ATCAY: variants seen among roughly 807,000 people sequenced by gnomAD.
ATCAY encodes the protein caytaxin.
ATCAY carries 22 observed loss-of-function variants against 47.7 expected under a neutral mutation model. The observed-to-expected ratio is 0.46, with a 90% confidence interval of 0.33 to 0.66. The LOEUF is 0.66. Among genes scored for constraint, ATCAY ranks in the 30% least tolerant of loss-of-function variants. The pLI, the probability that ATCAY is intolerant of heterozygous loss-of-function variation, is 0.02. For missense variants in ATCAY, 452 were observed against 515.0 expected, an observed-to-expected ratio of 0.88 and a Z score of 1.18; for synonymous variants, 216 against 207.6, an observed-to-expected ratio of 1.04 and a Z score of -0.35.
chr19:3,927,874 G>A lies in ATCAY; in HGVS notation c.*3282G>A, dbSNP rs1305707107. On this transcript the variant is annotated 3_prime_UTR_variant, in exon 13 of 13. Transcript: ENST00000450849. Reference sequence around the variant, plus strand: ...GGACCCCGACCCCTCCTCGTAAAAGGATGTTGGGTTTCCCTCTGGTGACAC... The same window carrying A: ...GGACCCCGACCCCTCCTCGTAAAAGAATGTTGGGTTTCCCTCTGGTGACAC... 6.6e-6 allele frequency: 1 copy of A among 152,246 alleles called. No homozygotes were observed. The highest frequency in any genetic ancestry group is 1.5e-5 in the Non-Finnish European group (1 of 68,078). 9.4% of individuals were successfully genotyped at this position (152,246 alleles called of 1,614,324 possible). A position where few individuals can be genotyped will look rare whatever the true frequency, so the allele number is the denominator to read the frequency against.
chr19:3,922,516 C>A (rs763288086), intron 12 of ATCAY, among the ~76,000 whole-genome samples: 1 of 152,126 alleles, frequency 6.6e-6, no homozygotes, highest in African/African-American at 2.4e-5. Context: ...GTACCGCCCA[C>A]GACAAGTGGG....
At chr19:3,916,776 C>T (rs139210689) in intron 9 of ATCAY, among the ~76,000 whole-genome samples, 234 of 151,538 alleles carry the variant, frequency 1.5e-3, no homozygotes, top group African/African-American at 5.5e-3. Context: ...TCGCACCCAG[C>T]CTGTTTTTTG....
chr19:3,919,458 G>A (rs1284190414), intron 11 of ATCAY, among the ~76,000 whole-genome samples: 1 of 151,876 alleles, frequency 6.6e-6, no homozygotes, highest in Non-Finnish European at 1.5e-5. Context: ...TGGGCATGGT[G>A]GCTCGTGCCT....
chr19:3,893,691 T>C (rs1238325334), intron 2 of ATCAY: 1 of 152,216 alleles, frequency 6.6e-6, no homozygotes, highest in Admixed American at 6.6e-5. Context: ...GCTCCACCCA[T>C]GTTCCAGAGC....
At chr19:3,914,994 C>A (rs979351528) in intron 9 of ATCAY, among the ~76,000 whole-genome samples, 1 of 151,688 alleles carries the variant, frequency 6.6e-6, no homozygotes, top group Non-Finnish European at 1.5e-5. Context: ...AGGGACCCCC[C>A]GGAGCTTGGG....
intron 1 of ATCAY, among the ~76,000 whole-genome samples, chr19:3,885,099 T>TG (rs2038636348): frequency 9.6e-6 from 1 of 104,254 alleles, no homozygotes; most frequent in Admixed American, 1.3e-4. Context: ...CAAGATCATG[T>TG]TTTTTTTTTT....
chr19:3,900,409 T>C (rs1193856490), intron 2 of ATCAY, among the ~76,000 whole-genome samples: 3 of 151,888 alleles, frequency 2.0e-5, no homozygotes, highest in African/African-American at 7.2e-5. Flanking sequence ...GCTGGCCTAA[T>C]GTCCTTTTCC....
intron 6 of ATCAY, among the ~76,000 whole-genome samples, chr19:3,909,003 C>CAAAAA (rs71166937): frequency 1.6e-4 from 2 of 12,470 alleles, no homozygotes; most frequent in African/African-American, 5.4e-4. Flanking sequence ...GAACCTGTCT[C>CAAAAA]AAAAAAAAAA....
intron 8 of ATCAY, among the ~76,000 whole-genome samples, chr19:3,912,349 T>G (rs1241305682): frequency 1.3e-5 from 2 of 151,728 alleles, no homozygotes; most frequent in African/African-American, 4.8e-5. Context: ...AGTCTCACTC[T>G]GTCGCCCAGG....
intron 8 of ATCAY, 60 bp downstream of exon 8, chr19:3,910,949 G>A: frequency 2.6e-6 from 4 of 1,552,720 alleles, no homozygotes; most frequent in Non-Finnish European, 8.9e-7. Context: ...GTGCGTGTGT[G>A]TATGCATGCA....
chr19:3,895,764 G>T (rs2038764810), intron 2 of ATCAY, among the ~76,000 whole-genome samples: 1 of 149,044 alleles, frequency 6.7e-6, no homozygotes, highest in Non-Finnish European at 1.5e-5. Context: ...GCTCAGGCGG[G>T]AGTGCAGTGG....
At chr19:3,881,871 C>CT (rs200659917) in intron 1 of ATCAY, among the ~76,000 whole-genome samples, 1 of 144,840 alleles carries the variant, frequency 6.9e-6, no homozygotes, top group African/African-American at 2.6e-5. Context: ...CCACCGCCCC[C>CT]CCCCCGACCC....
At position 3,907,990 on chromosome 19, in the gene ATCAY, G is replaced by T. The variant is rs2038880135; in HGVS notation, c.544+71G>T. ...ACTGGGCAACAGGGGGTTCGTCAGTGCCCCTCTCTGATGCACGGGGATGTT... is the reference window on the plus strand; with the variant it reads ...ACTGGGCAACAGGGGGTTCGTCAGTTCCCCTCTCTGATGCACGGGGATGTT... On this transcript the variant is annotated intron_variant, in intron 5 of 12. Coordinates refer to ENST00000450849, the MANE Select transcript of ATCAY (RefSeq NM_033064.5). This position sits in a 1 kb window ranked among gnomAD's most constrained non-coding sequence, Gnocchi z 5.1. 5.2e-6 allele frequency: 8 copies of T among 1,526,842 alleles called. No individual in the cohort carries two copies. Among genetic ancestry groups the T allele is most frequent in the Admixed American group, 1.9e-5 (1 of 51,622 alleles). 94.6% of individuals were successfully genotyped at this position (1,526,842 alleles called of 1,614,324 possible).
chr19:3,883,235 G>A (rs989042880), intron 1 of ATCAY, among the ~76,000 whole-genome samples: 3 of 152,118 alleles, frequency 2.0e-5, no homozygotes, highest in Non-Finnish European at 4.4e-5. Flanking sequence ...TTAGCTGGAC[G>A]TGGTGGCACG....
At chr19:3,898,882 G>A (rs891849093) in intron 2 of ATCAY, among the ~76,000 whole-genome samples, 4 of 152,134 alleles carry the variant, frequency 2.6e-5, no homozygotes, top group South Asian at 2.1e-4. Flanking sequence ...GGGTTTCATC[G>A]TGTTGGCCAG....
chr19:3,881,777 C>T (rs890814172), intron 1 of ATCAY, among the ~76,000 whole-genome samples: 20 of 151,044 alleles, frequency 1.3e-4, no homozygotes, highest in African/African-American at 4.9e-4. Flanking sequence ...AAGGGAGAGG[C>T]GAAGACCCCT....
intron 10 of ATCAY, among the ~76,000 whole-genome samples, chr19:3,918,571 A>AT (rs2038987768): frequency 6.6e-6 from 1 of 152,062 alleles, no homozygotes; most frequent in Non-Finnish European, 1.5e-5. Flanking sequence ...AAAAACAAAA[A>AT]AAAACAGCCT....
intron 1 of ATCAY, among the ~76,000 whole-genome samples, chr19:3,883,434 T>C (rs986375470): frequency 6.6e-6 from 1 of 152,134 alleles, no homozygotes; most frequent in Non-Finnish European, 1.5e-5. Flanking sequence ...TGTACAATAC[T>C]CTATAATGAC....
intron 2 of ATCAY, among the ~76,000 whole-genome samples, chr19:3,891,116 A>G (rs571868103): frequency 8.4e-4 from 127 of 151,028 alleles, no homozygotes; most frequent in African/African-American, 3.0e-3. Flanking sequence ...CAGTGGTGCA[A>G]CCTCAGCTCA....
Sources: gnomAD v4.1 joint callset for allele counts (sites outside exome capture counted in the v4.1 genomes callset) on GRCh38, gnomAD v4.1.1 for gene constraint, Gnocchi (gnomAD v3.1) non-coding constraint, MANE v1.5 for transcripts, NCBI Gene and HGNC (gene_info 2026-07-23, HGNC 2026-07-21) for gene names.